The following MINDY4B variants were observed in gnomAD, a reference collection of about 807,000 sequenced individuals.
MINDY4B encodes the protein inactive ubiquitin carboxyl-terminal hydrolase MINDY-4B.
MINDY4B carries 25 observed loss-of-function variants against 16.7 expected under a neutral mutation model. The ratio of observed to expected loss-of-function variants is 1.49; its 90% CI spans 1.09 to 2.09. The LOEUF is 2.09. Among genes scored for constraint, MINDY4B ranks in the 30% most tolerant of loss-of-function variants. The pLI, the probability that MINDY4B is intolerant of heterozygous loss-of-function variation, is 0.00. For missense variants in MINDY4B, 327 were observed against 168.4 expected (o/e 1.94, Z -5.21); for synonymous variants, 132 against 61.9 (o/e 2.13, Z -5.32).
chr3:150,900,419 G>A (rs1712087774), intron 3 of MINDY4B, among the ~76,000 whole-genome samples: 1 of 152,218 alleles, frequency 6.6e-6, no homozygotes, highest in African/African-American at 2.4e-5. Context: ...TTCTGGAGTG[G>A]TATTAGGATT....
chr3:150,892,797 A>AAT (rs58400247), intron 5 of MINDY4B, among the ~76,000 whole-genome samples: 23 of 150,728 alleles, frequency 1.5e-4, no homozygotes, highest in Admixed American at 7.9e-4. Flanking sequence ...AAAAAAAAAA[A>AAT]TACAAAAAAT....
intron 3 of MINDY4B, among the ~76,000 whole-genome samples, chr3:150,897,171 G>A (rs188981698): frequency 2.2e-4 from 34 of 152,188 alleles, no homozygotes; most frequent in Non-Finnish European, 4.3e-4. Context: ...CTCCAGCACA[G>A]ACACACATCT....
At chr3:150,873,801 T>A (rs1717024364) in intron 10 of MINDY4B, among the ~76,000 whole-genome samples, 2 of 152,266 alleles carry the variant, frequency 1.3e-5, no homozygotes, top group South Asian at 4.1e-4. Context: ...GTGGTAAGAC[T>A]TCTGGCAACA....
chr3:150,874,386 G>A (rs76098148), intron 10 of MINDY4B, among the ~76,000 whole-genome samples: 2,846 of 152,242 alleles, frequency 0.019, 101 homozygotes, highest in African/African-American at 0.064. Flanking sequence ...GTAGTAAAAG[G>A]GCAGTGGTCC....
intron 2 of MINDY4B, among the ~76,000 whole-genome samples, chr3:150,904,815 T>C (rs1447312329): frequency 6.6e-6 from 1 of 152,238 alleles, no homozygotes; most frequent in Non-Finnish European, 1.5e-5. Flanking sequence ...TTACCTTTTT[T>C]CCTAAAATAA....
At chr3:150,882,250 T>C (rs1051234014) in intron 10 of MINDY4B, among the ~76,000 whole-genome samples, 6 of 152,214 alleles carry the variant, frequency 3.9e-5, no homozygotes, top group African/African-American at 1.4e-4. Flanking sequence ...ACTCTTCTTC[T>C]GTTTGTTTTC....
chr3:150,891,256 C>G (rs1711797612), intron 5 of MINDY4B, 153 bp from the exon 6 acceptor site: 1 of 601,088 alleles, frequency 1.7e-6, no homozygotes, highest in Non-Finnish European at 3.0e-6. Flanking sequence ...CTGCCCTTGA[C>G]TTTTATACTG....
intron 10 of MINDY4B, among the ~76,000 whole-genome samples, chr3:150,877,762 C>T (rs1010363496): frequency 4.6e-5 from 7 of 151,998 alleles, no homozygotes; most frequent in African/African-American, 1.7e-4. Context: ...TGATTTGCTA[C>T]CATTTAAATG....
chr3:150,897,576 T>C (rs1490587503), intron 3 of MINDY4B, among the ~76,000 whole-genome samples: 1 of 152,168 alleles, frequency 6.6e-6, no homozygotes, highest in African/African-American at 2.4e-5. Context: ...TACTGGTTTC[T>C]AAAAAGGAAA....
At chr3:150,873,794 G>A (rs1035837111) in intron 10 of MINDY4B, among the ~76,000 whole-genome samples, 2 of 152,076 alleles carry the variant, frequency 1.3e-5, no homozygotes, top group East Asian at 3.9e-4. Context: ...GCAGGTGGTG[G>A]TAAGACTTCT....
rs369210091 is a variant in MINDY4B at position 150,878,004 on chromosome 3, C to A, written c.1060-4637G>T. 2.0e-5 allele frequency among the ~76,000 whole-genome samples: 3 copies of A among 152,144 alleles called. No homozygotes were observed. The East Asian group carries it at 5.8e-4, about 29-fold the overall frequency. On this transcript the variant is annotated intron_variant, in intron 10 of 11. Coordinates refer to ENST00000465419, the MANE Select transcript of MINDY4B (RefSeq NM_001351281.2). Reference sequence around the variant, plus strand: ...TCGGTTCATATCCCTGGCTCTGACACTTGCCTAGCTGCTAGCTTTGGGTAA... The same window carrying A: ...TCGGTTCATATCCCTGGCTCTGACAATTGCCTAGCTGCTAGCTTTGGGTAA...
chr3:150,899,641 G>A (rs1346182236), intron 3 of MINDY4B, among the ~76,000 whole-genome samples: 3 of 152,260 alleles, frequency 2.0e-5, no homozygotes, highest in Admixed American at 1.3e-4. Flanking sequence ...GAGGAGGGGG[G>A]CACCCTGCTG....
At chr3:150,891,817 C>A (rs1230765576) in intron 5 of MINDY4B, among the ~76,000 whole-genome samples, 1 of 146,958 alleles carries the variant, frequency 6.8e-6, no homozygotes. Context: ...AACCATATGG[C>A]AAGATAGAAT....
chr3:150,894,245 C>T lies in MINDY4B; in HGVS notation c.370G>A (p.Ala124Thr), dbSNP rs1711900526. The change falls in exon 4 of 12, where the codon GCC becomes ACC. Residue 124 changes from alanine to threonine, a missense_variant. Ala to Thr is a moderately conservative substitution (Grantham distance 58). Transcript: ENST00000465419. Reference sequence around the variant, plus strand: ...GAAGGATCATGGAACCTGAAATAGGCCTTTTTCCAGTTATAGCTAAAGACA... The same window carrying T: ...GAAGGATCATGGAACCTGAAATAGGTCTTTTTCCAGTTATAGCTAAAGACA... ...VHVFSYNWKK[A>T]YFRFHDPSSE... 1.4e-6 allele frequency: 1 copy of T among 701,916 alleles called. No individual in the cohort carries two copies. The highest frequency in any genetic ancestry group is 1.7e-5 in the African/African-American group (1 of 57,148). The allele number at this position is 701,916 out of a possible 1,614,324, so 43.5% of individuals were successfully genotyped here.
chr3:150,888,501 T>A (rs1044820835), intron 7 of MINDY4B, among the ~76,000 whole-genome samples: 1 of 152,162 alleles, frequency 6.6e-6, no homozygotes, highest in Non-Finnish European at 1.5e-5. Context: ...CATCTTGAGA[T>A]CTCTGCCAAA....
chr3:150,898,634 GC>G (rs1712035991), intron 3 of MINDY4B, among the ~76,000 whole-genome samples: 1 of 152,170 alleles, frequency 6.6e-6, no homozygotes, highest in Non-Finnish European at 1.5e-5. Context: ...CTCATAAGTG[GC>G]TGCCATGATT....
rs554713002 is a variant in MINDY4B, at chr3:150,872,054, T to C, written c.1241-867A>G. ...ATTAGTAACTACTTGTTGGACACCA[T>C]AGTTTCCACTTCATAAAAACAGAAA... On this transcript the variant is annotated intron_variant, in intron 11 of 11. Coordinates refer to ENST00000465419, the MANE Select transcript of MINDY4B (RefSeq NM_001351281.2). Among the ~76,000 whole-genome samples, 4 of 152,334 alleles carry C rather than the reference T, an allele frequency of 2.6e-5. No individual in the cohort carries two copies. The South Asian group carries it at 8.3e-4, about 32-fold the overall frequency.
At chr3:150,877,626 G>A (rs962301115) in intron 10 of MINDY4B, among the ~76,000 whole-genome samples, 24 of 152,206 alleles carry the variant, frequency 1.6e-4, no homozygotes, top group South Asian at 6.2e-4. Flanking sequence ...CCATACACCC[G>A]ACAAGTGTGA....
intron 3 of MINDY4B, among the ~76,000 whole-genome samples, chr3:150,897,704 C>G (rs929270016): frequency 4.6e-5 from 7 of 152,312 alleles, no homozygotes; most frequent in African/African-American, 1.4e-4. Flanking sequence ...AAGGTTGTCT[C>G]TACTGAGAAA....
Sources: gnomAD v4.1 joint callset for allele counts (sites outside exome capture counted in the v4.1 genomes callset) on GRCh38, gnomAD v4.1.1 for gene constraint, MANE v1.5 for transcripts, NCBI Gene and HGNC (gene_info 2026-07-23, HGNC 2026-07-21) for gene names.